Variants in CDC42BPB observed in about 807,000 individuals in gnomAD.
The protein encoded by CDC42BPB is CDC42 binding protein kinase beta.
In CDC42BPB, 37 loss-of-function variants were observed where a neutral mutation model predicts 214.9. That is an observed-to-expected ratio of 0.17 (90% CI 0.13 to 0.23). The LOEUF (loss-of-function observed/expected upper bound fraction) is 0.23, where lower values mean the gene tolerates loss of function less well. Ranked by LOEUF, CDC42BPB falls within the 10% of genes least tolerant of loss-of-function variation. CDC42BPB has a pLI of 1.00. For synonymous variants in CDC42BPB, 931 were observed against 884.0 expected, an observed-to-expected ratio of 1.05 and a Z score of -0.94; for missense variants, 1,694 against 2,227.0, an observed-to-expected ratio of 0.76 and a Z score of 4.82.
At position 102,968,356 on chromosome 14, in the gene CDC42BPB, T is replaced by C. The variant is rs1334503033; in HGVS notation, c.2243A>G (p.His748Arg). The part of the protein sequence containing the change: ...DKLEKSKRER[H>R]NEMEEAVGTI... ...ACCTACTGCCTCCTCCATCTCGTTA[T>C]GCCTGCCAAGGTGAGCGAGAAACAG... is the stretch of plus-strand genomic sequence containing the variant. The change falls in exon 16 of 37, where the codon CAT becomes CGT. Residue 748 changes from histidine to arginine, a missense_variant and splice_region_variant. By Grantham distance (29) the His-to-Arg change is conservative. This residue lies in a region of CDC42BPB where 462 missense variants were observed against 513.5 expected (regional missense o/e 0.90). Transcript: ENST00000361246. The C allele has an allele frequency of 1.2e-6, 2 of 1,613,874 alleles. No homozygotes were observed. The highest frequency in any genetic ancestry group is 1.7e-6 in the Non-Finnish European group (2 of 1,179,908).
At chr14:103,053,801 C>T (rs1341765416) in intron 1 of CDC42BPB, among the ~76,000 whole-genome samples, 5 of 150,998 alleles carry the variant, frequency 3.3e-5, no homozygotes, top group African/African-American at 7.3e-5. Context: ...TTGTCCCATG[C>T]GACCACTGTG....
At chr14:102,938,025 AG>A in intron 36 of CDC42BPB, 78 bp downstream of exon 36, 1 of 1,463,864 alleles carries the variant, frequency 6.8e-7, no homozygotes. Context: ...GACACCACCC[AG>A]GGCCCCAGAT....
intron 1 of CDC42BPB, among the ~76,000 whole-genome samples, chr14:103,050,504 T>C (rs544600824): frequency 6.6e-6 from 1 of 152,236 alleles, no homozygotes; most frequent in Non-Finnish European, 1.5e-5. Flanking sequence ...CTCACACTTA[T>C]AATCCCAACA....
chr14:103,028,453 T>C (rs796365562), intron 1 of CDC42BPB, among the ~76,000 whole-genome samples: 12 of 152,306 alleles, frequency 7.9e-5, no homozygotes, highest in African/African-American at 2.6e-4. Context: ...ATGTCAACAA[T>C]GAGCAGTGCC....
At chr14:103,044,175 T>C (rs1888161608) in intron 1 of CDC42BPB, among the ~76,000 whole-genome samples, 1 of 152,182 alleles carries the variant, frequency 6.6e-6, no homozygotes, top group Non-Finnish European at 1.5e-5. Context: ...CAATTTGGTT[T>C]CAAATACTTC....
chr14:102,947,001 G>A (rs995430251), intron 27 of CDC42BPB: 9 of 405,876 alleles, frequency 2.2e-5, no homozygotes, highest in African/African-American at 2.0e-4. Context: ...AGTAGATTCT[G>A]AAAATGTGTC....
rs367865440 is a variant in CDC42BPB at position 102,975,764 on chromosome 14, C to T, written c.1427G>A (p.Arg476Gln). Residue 476 changes from arginine (R) to glutamine (Q), a missense_variant, in exon 11 of 37, where the codon CGG becomes CAG. By Grantham distance (43) the Arg-to-Gln change is conservative. Transcript: ENST00000361246. ...QTVQSLHGSS[R>Q]ALSNSNRDKE... ...ATCTCGGTTTGAATTGCTGAGGGCCCGAGATGAGCCGTGGAGGGACTGCAC... is the reference window on the plus strand; with the variant it reads ...ATCTCGGTTTGAATTGCTGAGGGCCTGAGATGAGCCGTGGAGGGACTGCAC... The T allele has an allele frequency of 5.6e-6, 9 of 1,613,980 alleles. No individual in the cohort carries two copies. The highest frequency in any genetic ancestry group is 1.3e-5 in the African/African-American group (1 of 74,878).
chr14:102,947,114 T>C (rs989811764), intron 27 of CDC42BPB, among the ~76,000 whole-genome samples: 2 of 152,352 alleles, frequency 1.3e-5, no homozygotes, highest in East Asian at 3.9e-4. Flanking sequence ...GTAACAATGA[T>C]GGTAATTTCC....
At chr14:102,978,048 A>T in intron 9 of CDC42BPB, 78 bp downstream of exon 9, 1 of 1,140,722 alleles carries the variant, frequency 8.8e-7, no homozygotes, top group Middle Eastern at 2.0e-4. Context: ...GCCCGCCCCC[A>T]GGGACAGACT....
chr14:102,978,191 A>C lies in CDC42BPB; in HGVS notation c.1155T>G (p.Pro385=), dbSNP rs1006501036. Residue 385 remains proline (P), a synonymous_variant, in exon 9 of 37, where the codon CCT becomes CCG. Transcript: ENST00000361246. ...ATCCAGAAAAGCCTGTGTGAGAACCAGGAGGTAATATTTCCTGCATAAGAA... is the reference window on the plus strand; with the variant it reads ...ATCCAGAAAAGCCTGTGTGAGAACCCGGAGGTAATATTTCCTGCATAAGAA... ...DVLRNTEILP[P]GSHTGFSGLH... 1.2e-6 allele frequency: 2 copies of C among 1,613,554 alleles called. No individual in the cohort carries two copies. Among genetic ancestry groups the C allele is most frequent in the South Asian group, 2.2e-5 (2 of 91,074 alleles).
In CDC42BPB at chr14:102,940,027, G is replaced by A. The variant is rs147195501; in HGVS notation, c.4591+19C>T. On this transcript the variant is annotated intron_variant, in intron 32 of 36. Transcript: ENST00000361246. ...TCCAACTTCCCTTCCCTCCACTCCC[G>A]GTGCAGAGGAAGGCTCACCCGAGAA... The A allele has an allele frequency of 2.4e-4, 386 of 1,613,900 alleles. No individual in the cohort carries two copies. In the African/African-American group the frequency reaches 4.2e-3, roughly 18 times the overall value.
Position 102,947,955 on chromosome 14 carries a change from C to T in CDC42BPB, c.3450-153G>A, listed in dbSNP as rs547205646. The T allele has an allele frequency of 4.2e-5, 41 of 984,134 alleles. No homozygotes were observed. In the Admixed American group the frequency reaches 1.5e-3, roughly 37 times the overall value. 61.0% of individuals were successfully genotyped at this position (984,134 alleles called of 1,614,324 possible). ...CTCGCCTCCCCAGATGTAAGAAACA[C>T]GGGCAGGGCCAACAAACTCAAGACT... On this transcript the variant is annotated intron_variant, in intron 26 of 36. Transcript: ENST00000361246.
chr14:102,995,154 G>A (rs182426685), intron 5 of CDC42BPB, among the ~76,000 whole-genome samples: 1 of 151,630 alleles, frequency 6.6e-6, no homozygotes, highest in Admixed American at 6.6e-5. Context: ...TCTCTCTTTA[G>A]GGATGTGATG....
At chr14:102,951,941 C>T (rs1270233300) in intron 24 of CDC42BPB, among the ~76,000 whole-genome samples, 4 of 152,174 alleles carry the variant, frequency 2.6e-5, no homozygotes, top group African/African-American at 4.8e-5. Context: ...TGATCTACTT[C>T]GTAGTAATTC....
intron 1 of CDC42BPB, among the ~76,000 whole-genome samples, chr14:103,024,600 T>G (rs1260847257): frequency 6.6e-6 from 1 of 152,258 alleles, no homozygotes; most frequent in Non-Finnish European, 1.5e-5. Flanking sequence ...TTCAAGCTTA[T>G]AACATAGTCC....
rs781727740 is a variant in CDC42BPB, at chr14:102,933,838, A to C, written c.5010T>G (p.Asp1670Glu). 6.6e-7 allele frequency: 1 copy of C among 1,520,240 alleles called. No individual in the cohort carries two copies. The highest frequency in any genetic ancestry group is 8.8e-7 in the Non-Finnish European group (1 of 1,141,286). 94.2% of individuals were successfully genotyped at this position (1,520,240 alleles called of 1,614,324 possible). A position where few individuals can be genotyped will look rare whatever the true frequency, so the allele number is the denominator to read the frequency against. The stretch of plus-strand genomic sequence containing the variant: ...GAGTTGAGTGTTTGGTGGAGTCCGA[A>C]TCAGGCTGTGAACAGGAAGAGGGCA... ...DPDQDFDKEP[D>E]SDSTKHSTPS... is the part of the protein sequence containing the mutation. Residue 1670 changes from aspartate (D) to glutamate (E), a missense_variant, in exon 37 of 37, where the codon GAT (aspartate) becomes GAG (glutamate). By Grantham distance (45) the Asp-to-Glu change is conservative. Transcript: ENST00000361246.
chr14:103,055,694 G>A lies in CDC42BPB; in HGVS notation c.175+1305C>T, dbSNP rs1328163740. ...AGATACCGTGTAACATTTCACTACAGAGTAATCCAACAGAAGCCCTCTAAA... is the reference window on the plus strand; with the variant it reads ...AGATACCGTGTAACATTTCACTACAAAGTAATCCAACAGAAGCCCTCTAAA... On this transcript the variant is annotated intron_variant, in intron 1 of 36. Transcript: ENST00000361246. Among the ~76,000 whole-genome samples the A allele has an allele frequency of 5.3e-5, 8 of 152,234 alleles. No individual in the cohort carries two copies. In the East Asian group the frequency reaches 1.5e-3, roughly 29 times the overall value.
intron 14 of CDC42BPB, 133 bp from the exon 15 acceptor site, chr14:102,968,849 G>A (rs1432879674): frequency 1.3e-6 from 2 of 1,491,702 alleles, no homozygotes; most frequent in Non-Finnish European, 1.8e-6. Context: ...TACACCAGAT[G>A]ACGTAGCTGA....
At chr14:102,959,525 T>C (rs1892861403) in intron 21 of CDC42BPB, 106 bp downstream of exon 21, 2 of 734,568 alleles carry the variant, frequency 2.7e-6, no homozygotes, top group African/African-American at 1.8e-5. Context: ...ACTGAATGTA[T>C]ATTTACTGGT....
Sources: allele counts gnomAD v4.1 joint callset (sites outside exome capture counted in the v4.1 genomes callset), GRCh38; gene constraint gnomAD v4.1.1; regional missense constraint gnomAD v4.1.1; transcripts MANE v1.5; gene names NCBI Gene and HGNC (gene_info 2026-07-23, HGNC 2026-07-21).